USP54: variants seen among roughly 807,000 people sequenced by gnomAD.
USP54 encodes the protein ubiquitin specific peptidase 54.
Under a neutral mutation model 170.5 loss-of-function variants are expected in USP54, and 87 were observed. The ratio of observed to expected loss-of-function variants is 0.51; its 90% CI spans 0.43 to 0.61. The LOEUF (loss-of-function observed/expected upper bound fraction) is 0.61. USP54 is among the 20% of genes least tolerant of loss of function. The pLI, the probability that USP54 is intolerant of heterozygous loss-of-function variation, is 0.00. For missense variants in USP54, 1,786 were observed against 2,047.8 expected, an observed-to-expected ratio of 0.87 and a Z score of 2.47; for synonymous variants, 655 against 742.8, an observed-to-expected ratio of 0.88 and a Z score of 1.92.
Position 73,534,210 on chromosome 10 carries a change from C to CT in USP54, c.1315+389dup, listed in dbSNP as rs34747653. 3.2e-3 allele frequency among the ~76,000 whole-genome samples: 467 copies of CT among 144,132 alleles called. 1 individual carries two copies. Among genetic ancestry groups the CT allele is most frequent in the South Asian group, 8.3e-3 (38 of 4,562 alleles). 94.6% of individuals were successfully genotyped at this position (144,132 alleles called of 152,430 possible). A position where few individuals can be genotyped will look rare whatever the true frequency, so the allele number is the denominator to read the frequency against. On this transcript the variant is annotated intron_variant, in intron 12 of 23. Transcript: ENST00000687698. ...TCTGACTTCCCCCAGTTTCTTTCTCCTTTTTTTTTTTTTTGAGACGGAGTC... is the reference window on the plus strand; with the variant it reads ...TCTGACTTCCCCCAGTTTCTTTCTCCTTTTTTTTTTTTTTTGAGACGGAGTC...
At chr10:73,545,175 A>G (rs913663176) in intron 5 of USP54, among the ~76,000 whole-genome samples, 3 of 152,170 alleles carry the variant, frequency 2.0e-5, no homozygotes, top group Non-Finnish European at 4.4e-5. Flanking sequence ...GAAATGGAGG[A>G]GCAGCATCAG....
intron 16 of USP54, 79 bp from the exon 17 acceptor site, chr10:73,523,829 TA>T: frequency 8.7e-7 from 1 of 1,150,174 alleles, no homozygotes; most frequent in Non-Finnish European, 1.2e-6. Context: ...ACCACTGCAA[TA>T]CTTTCCTTTT....
chr10:73,509,475 C>T (rs1432535220), intron 20 of USP54, among the ~76,000 whole-genome samples: 7 of 150,434 alleles, frequency 4.7e-5, no homozygotes, highest in Admixed American at 4.0e-4. Context: ...ATTAGCCAGG[C>T]GTGGTGGCGC....
chr10:73,592,471 C>CAAAA (rs367984467), upstream of USP54, among the ~76,000 whole-genome samples: 2 of 67,338 alleles, frequency 3.0e-5, no homozygotes, highest in East Asian at 4.2e-4. Context: ...GAAAGTGCCA[C>CAAAA]AAAAAAAAAA....
At chr10:73,535,293 G>A (rs546325288) in intron 11 of USP54, among the ~76,000 whole-genome samples, 2 of 152,192 alleles carry the variant, frequency 1.3e-5, no homozygotes, top group East Asian at 3.9e-4. Flanking sequence ...GCTTCCCTCT[G>A]AATACCTAGC....
intron 20 of USP54, among the ~76,000 whole-genome samples, chr10:73,509,332 T>C (rs1166427545): frequency 6.6e-6 from 1 of 151,136 alleles, no homozygotes; most frequent in Non-Finnish European, 1.5e-5. Flanking sequence ...CCAGGTGCAG[T>C]GGCTCATGCC....
At position 73,541,492 on chromosome 10, in the gene USP54, G is replaced by C. The variant is rs1265909901; in HGVS notation, c.708C>G (p.Arg236=). ...PSNCGERIRI[R]RVLMNAPQII... Reference sequence around the variant, plus strand: ...TCTGTGGAGCATTCATCAACACACGGCGAATCCTGATCCTCTCTCCACAGT... The same window carrying C: ...TCTGTGGAGCATTCATCAACACACGCCGAATCCTGATCCTCTCTCCACAGT... The change falls in exon 9 of 24, where the codon CGC becomes CGG. Residue 236 remains arginine, a synonymous_variant. Transcript: ENST00000687698. 1 of 1,614,114 alleles carries C rather than the reference G, an allele frequency of 6.2e-7. No individual in the cohort carries two copies. Among genetic ancestry groups the C allele is most frequent in the East Asian group, 2.2e-5 (1 of 44,878 alleles).
At chr10:73,579,682 G>A (rs778947982) in intron 1 of USP54, among the ~76,000 whole-genome samples, 3 of 151,606 alleles carry the variant, frequency 2.0e-5, no homozygotes, top group Non-Finnish European at 4.4e-5. Context: ...GCTTGAACCC[G>A]GGAGGTGGAG....
At chr10:73,614,279 G>T (rs1042878159) in intron 1 of USP54, among the ~76,000 whole-genome samples, 2 of 149,864 alleles carry the variant, frequency 1.3e-5, no homozygotes, top group African/African-American at 5.1e-5. Context: ...ACACATGCAG[G>T]CTAGGCGCAA....
chr10:73,577,309 A>G (rs1294015102), intron 1 of USP54, among the ~76,000 whole-genome samples: 6 of 152,234 alleles, frequency 3.9e-5, no homozygotes, highest in African/African-American at 1.4e-4. Flanking sequence ...GAGATCACCT[A>G]GCATTGTCTA....
chr10:73,519,044 T>A (rs2061507212), intron 19 of USP54: 2 of 151,224 alleles, frequency 1.3e-5, no homozygotes, highest in Non-Finnish European at 2.9e-5. Context: ...TTTGAACATT[T>A]GCCTTTTGAA....
Position 73,533,046 on chromosome 10 carries a change from C to A in USP54, c.1315+1554G>T, listed in dbSNP as rs142266139. 9.1e-3 allele frequency among the ~76,000 whole-genome samples: 1,390 copies of A among 152,300 alleles called. 17 individuals carry two copies. Among genetic ancestry groups the A allele is most frequent in the Non-Finnish European group, 0.016 (1,106 of 68,016 alleles). Reference sequence around the variant, plus strand: ...GCTGGGCTGGGCACGGTGGCTCACGCCTGTAATCCCAGCACTTTGGGAGGC... The same window carrying A: ...GCTGGGCTGGGCACGGTGGCTCACGACTGTAATCCCAGCACTTTGGGAGGC... On this transcript the variant is annotated intron_variant, in intron 12 of 23. Coordinates refer to ENST00000687698, the MANE Select transcript of USP54 (RefSeq NM_001391956.1).
chr10:73,575,051 C>T (rs2075910029), intron 3 of USP54, among the ~76,000 whole-genome samples: 1 of 151,900 alleles, frequency 6.6e-6, no homozygotes, highest in South Asian at 2.1e-4. Flanking sequence ...ATGGTGAAAC[C>T]CCGTCTCTAC....
At chr10:73,534,479 C>G in intron 12 of USP54, 121 bp downstream of exon 12, 1 of 1,210,278 alleles carries the variant, frequency 8.3e-7, no homozygotes, top group Non-Finnish European at 1.1e-6. Context: ...CCCGCCTCGG[C>G]CTCCCAAAGT....
In USP54 at chr10:73,530,332, T is replaced by C. The variant is rs952615498; in HGVS notation, c.1639A>G (p.Thr547Ala). 3 of 1,613,876 alleles carry C rather than the reference T, an allele frequency of 1.9e-6. No individual in the cohort carries two copies. Among genetic ancestry groups the C allele is most frequent in the Admixed American group, 3.3e-5 (2 of 59,988 alleles). The change falls in exon 14 of 24, where the codon ACC (threonine) becomes GCC (alanine). Residue 547 changes from threonine (T) to alanine (A), a missense_variant. Coordinates refer to ENST00000687698, the MANE Select transcript of USP54 (RefSeq NM_001391956.1). ...GDQPDKKPPRTLPLHSRDWEI... is the reference protein window; with the variant it reads ...GDQPDKKPPRALPLHSRDWEI... The stretch of plus-strand genomic sequence containing the variant: ...CAGTCACGAGAGTGTAAAGGCAGGG[T>C]CCTAGGAGGTTTTTTGTCAGGCTGG...
At chr10:73,615,878 C>T (rs1485644378) in intron 1 of USP54, among the ~76,000 whole-genome samples, 1 of 141,670 alleles carries the variant, frequency 7.1e-6, no homozygotes. Flanking sequence ...GAAATCACTC[C>T]AGCCTGGGCA....
At position 73,617,395 on chromosome 10, in the gene USP54, G is replaced by A. The variant is rs997589041; in HGVS notation, c.-18+8172C>T. Among the ~76,000 whole-genome samples, 4 of 149,534 alleles carry A rather than the reference G, an allele frequency of 2.7e-5. 1 individual carries two copies. Among genetic ancestry groups the A allele is most frequent in the African/African-American group, 1.0e-4 (4 of 39,206 alleles). Reference sequence around the variant, plus strand: ...CACTTGAACCCAGGAGGCGGAGGTTGCAGTGGGCTGAGATCATGCCATTGC... The same window carrying A: ...CACTTGAACCCAGGAGGCGGAGGTTACAGTGGGCTGAGATCATGCCATTGC... On this transcript the variant is annotated intron_variant, in intron 1 of 22. Coordinates refer to the USP54 transcript ENST00000339859.
At position 73,517,377 on chromosome 10, in the gene USP54, C is replaced by T; in HGVS notation, c.3049G>A (p.Gly1017Arg). 1 of 1,613,608 alleles carries T rather than the reference C, an allele frequency of 6.2e-7. No individual in the cohort carries two copies. The highest frequency in any genetic ancestry group is 1.1e-5 in the South Asian group (1 of 91,014). The change falls in exon 20 of 24, where the codon GGA becomes AGA. Residue 1017 changes from glycine to arginine, a missense_variant. Physicochemically the swap from Gly to Arg is moderately radical, Grantham distance 125 (BLOSUM62 -2). This residue lies in a region of USP54 where 1,418 missense variants were observed against 1,569.0 expected (regional missense o/e 0.90). Transcript: ENST00000687698. ...SSCSKLPPQEGRGIAQEQLFQ... is the reference protein window; with the variant it reads ...SSCSKLPPQERRGIAQEQLFQ... ...AGCTGTTCTTGAGCAATGCCTCTTCCTTCTTGTGGAGGGAGCTTGCTGCAA... is the reference window on the plus strand; with the variant it reads ...AGCTGTTCTTGAGCAATGCCTCTTCTTTCTTGTGGAGGGAGCTTGCTGCAA...
At position 73,520,002 on chromosome 10, in the gene USP54, A is replaced by C. The variant is rs1013588484; in HGVS notation, c.2483-10T>G. The C allele has an allele frequency of 6.3e-7, 1 of 1,583,234 alleles. No homozygotes were observed. Among genetic ancestry groups the C allele is most frequent in the Admixed American group, 1.8e-5 (1 of 54,866 alleles). On this transcript the variant is annotated splice_polypyrimidine_tract_variant and intron_variant, in intron 18 of 23. Transcript: ENST00000687698. Reference sequence around the variant, plus strand: ...GCAAGTCTTAGTTTAGCTAAAATGCAAAAGAAAATATAGCAGAAACAGAAC... The same window carrying C: ...GCAAGTCTTAGTTTAGCTAAAATGCCAAAGAAAATATAGCAGAAACAGAAC...
Sources: allele counts gnomAD v4.1 joint callset (sites outside exome capture counted in the v4.1 genomes callset), GRCh38; gene constraint gnomAD v4.1.1; regional missense constraint gnomAD v4.1.1; transcripts MANE v1.5; gene names NCBI Gene and HGNC (gene_info 2026-07-23, HGNC 2026-07-21).